Variants in SMAD6 observed in about 807,000 individuals in gnomAD.
SMAD6 encodes the protein MAD homolog 6.
In SMAD6, 103 loss-of-function variants were observed where a neutral mutation model predicts 39.4. The ratio of observed to expected loss-of-function variants is 2.62; its 90% confidence interval spans 2.23 to 3.08. SMAD6 has a LOEUF of 3.08. Ranked by LOEUF, SMAD6 falls within the 30% of genes most tolerant of loss-of-function variation. The pLI is 0.00. For synonymous variants in SMAD6, 445 were observed against 353.3 expected, an observed-to-expected ratio of 1.26 and a Z score of -2.91; for missense variants, 1,104 against 742.9, an observed-to-expected ratio of 1.49 and a Z score of -5.65.
chr15:66,781,562 G>GGC lies in SMAD6; in HGVS notation c.*28_*29insCG. Reference sequence around the variant, plus strand: ...GGCGGCCCCGGCGGGAGGGGCGGGTGGGAGGCCGCGGCCACCGCCACCTGC... The same window carrying GGC: ...GGCGGCCCCGGCGGGAGGGGCGGGTGGCGGAGGCCGCGGCCACCGCCACCTGC... On this transcript the variant is annotated 3_prime_UTR_variant, in exon 4 of 4. Coordinates refer to ENST00000288840, the MANE Select transcript of SMAD6 (RefSeq NM_005585.5). 6.8e-7 allele frequency: 1 copy of GGC among 1,463,166 alleles called. No homozygotes were observed. The highest frequency in any genetic ancestry group is 9.0e-7 in the Non-Finnish European group (1 of 1,112,896). 90.6% of individuals were successfully genotyped at this position (1,463,166 alleles called of 1,614,324 possible).
intron 3 of SMAD6, among the ~76,000 whole-genome samples, chr15:66,722,177 C>T (rs1019538909): frequency 6.6e-6 from 1 of 152,180 alleles, no homozygotes; most frequent in African/African-American, 2.4e-5. Context: ...CGTGAATTTT[C>T]ACAGACTGAT....
At chr15:66,764,629 C>T (rs1464572812) in intron 3 of SMAD6, among the ~76,000 whole-genome samples, 2 of 151,986 alleles carry the variant, frequency 1.3e-5, no homozygotes, top group Non-Finnish European at 2.9e-5. Context: ...GTTGACAGCT[C>T]GGTGGATACT....
intron 3 of SMAD6, chr15:66,717,126 C>G (rs142048788): frequency 7.8e-7 from 1 of 1,288,308 alleles, no homozygotes; most frequent in South Asian, 1.2e-5. Flanking sequence ...TCAAACTTTC[C>G]TTGAGAAATG....
chr15:66,775,526 G>C (rs560370797), intron 3 of SMAD6, among the ~76,000 whole-genome samples: 21 of 152,254 alleles, frequency 1.4e-4, no homozygotes, highest in African/African-American at 4.6e-4. Context: ...AGAGGAGGGA[G>C]ATGACCTGCT....
chr15:66,778,174 G>C (rs1894499272), intron 3 of SMAD6, among the ~76,000 whole-genome samples: 2 of 150,588 alleles, frequency 1.3e-5, no homozygotes, highest in Admixed American at 1.3e-4. Flanking sequence ...CTTCAAACTT[G>C]GGCTCAAGCA....
At chr15:66,744,868 C>T (rs67258118) in intron 3 of SMAD6, among the ~76,000 whole-genome samples, 11,611 of 152,206 alleles carry the variant, frequency 0.076, 546 homozygotes, top group East Asian at 0.19. Context: ...TCCTATGGGA[C>T]CTGGGCAATT....
chr15:66,716,543 G>A lies in SMAD6; in HGVS notation c.952+45G>A, dbSNP rs77693025. ...CATTGCTGTTGTGTTGAAATTTATC[G>A]AAGGGGACAGCTGCGGAGGGGGCTT... is the stretch of plus-strand genomic sequence containing the variant. On this transcript the variant is annotated intron_variant, in intron 3 of 3. Coordinates refer to ENST00000288840, the MANE Select transcript of SMAD6 (RefSeq NM_005585.5). 1.1e-3 allele frequency: 1,500 copies of A among 1,396,054 alleles called. 15 individuals carry two copies. In the African/African-American group the frequency reaches 0.019, roughly 17 times the overall value. The allele number at this position is 1,396,054 out of a possible 1,614,324, so 86.5% of individuals were successfully genotyped here. A position where few individuals can be genotyped will look rare whatever the true frequency, so the allele number is the denominator to read the frequency against.
chr15:66,751,752 A>AC (rs1053536578), intron 3 of SMAD6, among the ~76,000 whole-genome samples: 1 of 151,938 alleles, frequency 6.6e-6, no homozygotes, highest in African/African-American at 2.4e-5. Flanking sequence ...TGTCCATTCT[A>AC]CCCCCCACAC....
chr15:66,753,417 C>T (rs993125286), intron 3 of SMAD6, among the ~76,000 whole-genome samples: 4 of 152,232 alleles, frequency 2.6e-5, no homozygotes, highest in East Asian at 1.9e-4. Flanking sequence ...GTTCCTGTAA[C>T]GCTCAGCACT....
At chr15:66,738,635 A>G (rs1893756540) in intron 3 of SMAD6, among the ~76,000 whole-genome samples, 1 of 151,976 alleles carries the variant, frequency 6.6e-6, no homozygotes, top group African/African-American at 2.4e-5. Flanking sequence ...ACACTTTTCC[A>G]TGTTGCACCC....
intron 3 of SMAD6, among the ~76,000 whole-genome samples, chr15:66,764,050 A>G (rs1406700856): frequency 6.6e-6 from 1 of 152,242 alleles, no homozygotes; most frequent in Non-Finnish European, 1.5e-5. Context: ...GCTCCTCACC[A>G]GTTCAGGCTG....
intron 1 of SMAD6, chr15:66,706,620 G>C (rs1411058775): frequency 2.6e-5 from 4 of 152,494 alleles, no homozygotes; most frequent in African/African-American, 9.6e-5. Context: ...GCCTTCCAGG[G>C]CTCTGGGAAG....
At chr15:66,714,941 T>A (rs2140601594) in intron 2 of SMAD6, among the ~76,000 whole-genome samples, 1 of 151,666 alleles carries the variant, frequency 6.6e-6, no homozygotes, top group Non-Finnish European at 1.5e-5. Flanking sequence ...AGATGAGAAG[T>A]GGCAGCAGGG....
intron 3 of SMAD6, among the ~76,000 whole-genome samples, chr15:66,749,541 C>T (rs189024915): frequency 9.2e-5 from 14 of 152,066 alleles, no homozygotes; most frequent in African/African-American, 2.9e-4. Context: ...AAGTTGAGCC[C>T]GGAAGGTTGG....
chr15:66,771,350 T>G (rs1894376303), intron 3 of SMAD6, among the ~76,000 whole-genome samples: 1 of 152,210 alleles, frequency 6.6e-6, no homozygotes, highest in African/African-American at 2.4e-5. Context: ...AGGATTTGTT[T>G]GAATACTGCA....
At position 66,703,712 on chromosome 15, in the gene SMAD6, C is replaced by G. The variant is rs1191594403; in HGVS notation, c.454C>G (p.Pro152Ala). 1 of 1,347,060 alleles carries G rather than the reference C, an allele frequency of 7.4e-7. No individual in the cohort carries two copies. Among genetic ancestry groups the G allele is most frequent in the African/African-American group, 1.5e-5 (1 of 66,262 alleles). The allele number at this position is 1,347,060 out of a possible 1,614,324, so 83.4% of individuals were successfully genotyped here. A position where few individuals can be genotyped will look rare whatever the true frequency, so the allele number is the denominator to read the frequency against. ...CCCCCTGGCCGGGGCGGCCCTGGAG[C>G]CGGCGGGCGGCGGGCGGAGTCGCGA... ...SDPLAGAALE[P>A]AGGGRSREAR... is the part of the protein sequence containing the mutation. Residue 152 changes from proline to alanine, a missense_variant, in exon 1 of 4, where the codon CCG becomes GCG. Transcript: ENST00000288840.
chr15:66,703,627 G>A lies in SMAD6; in HGVS notation c.369G>A (p.Thr123=). 2.4e-6 allele frequency: 3 copies of A among 1,231,428 alleles called. No homozygotes were observed. The highest frequency in any genetic ancestry group is 3.1e-5 in the African/African-American group (2 of 63,568). The allele number at this position is 1,231,428 out of a possible 1,614,324, so 76.3% of individuals were successfully genotyped here. The part of the protein sequence containing the change: ...PGWLPESDCE[T]VTCCLFSERD... ...GGCTGCCCGAGAGTGACTGCGAGAC[G>A]GTGACCTGCTGTCTCTTTTCGGAGC... Residue 123 remains threonine, a synonymous_variant, in exon 1 of 4, where the codon ACG becomes ACA. Coordinates refer to ENST00000288840, the MANE Select transcript of SMAD6 (RefSeq NM_005585.5).
intron 3 of SMAD6, among the ~76,000 whole-genome samples, chr15:66,725,842 G>A (rs11638308): frequency 0.29 from 44,707 of 151,986 alleles, 6,848 homozygotes; most frequent in East Asian, 0.44. Flanking sequence ...GGTGAAATGG[G>A]GCACCCAGCA....
chr15:66,711,662 T>C lies in SMAD6; in HGVS notation c.818-6T>C, dbSNP rs1249530418. ...TGGCAGTGACATGCTGTCTCCTGTC[T>C]TCCAGAATCTCCGCCACCTCCCTAC... On this transcript the variant is annotated splice_region_variant and splice_polypyrimidine_tract_variant and intron_variant, in intron 1 of 3. Transcript: ENST00000288840. 1 of 1,613,226 alleles carries C rather than the reference T, an allele frequency of 6.2e-7. No individual in the cohort carries two copies. The highest frequency in any genetic ancestry group is 8.5e-7 in the Non-Finnish European group (1 of 1,179,300).
Sources: allele counts gnomAD v4.1 joint callset (sites outside exome capture counted in the v4.1 genomes callset), GRCh38; gene constraint gnomAD v4.1.1; transcripts MANE v1.5; gene names NCBI Gene and HGNC (gene_info 2026-07-23, HGNC 2026-07-21).